Variants in PCDH11X observed in about 807,000 individuals in gnomAD.
PCDH11X encodes protocadherin 11 X-linked, also known as protocadherin-11 X-linked.
Under a neutral mutation model 53.3 loss-of-function variants are expected in PCDH11X, and 18 were observed. That is an observed-to-expected ratio of 0.34 (90% CI 0.23 to 0.50). PCDH11X has a LOEUF of 0.50. Ranked by LOEUF, PCDH11X falls within the 20% of genes least tolerant of loss-of-function variation. The pLI is 0.98. For missense variants in PCDH11X, 570 were observed against 1,032.4 expected (o/e 0.55, Z 6.14); for synonymous variants, 279 against 393.3 (o/e 0.71, Z 3.44).
chrX:92,284,913 G>A (rs1340732617), intron 8 of PCDH11X, among the ~76,000 whole-genome samples: 6 of 111,193 alleles, frequency 5.4e-5, no homozygotes, highest in South Asian at 3.8e-4. Flanking sequence ...GATAAGATAC[G>A]CCAAATTGCT....
intron 6 of PCDH11X, among the ~76,000 whole-genome samples, chrX:91,994,177 A>G (rs2062371990): frequency 1.0e-5 from 1 of 96,929 alleles, no homozygotes; most frequent in Non-Finnish European, 2.1e-5. Flanking sequence ...TGTAAATTAC[A>G]TCACATATTT....
chrX:91,873,447 A>G (rs768642116), intron 5 of PCDH11X, among the ~76,000 whole-genome samples: 9 of 111,602 alleles, frequency 8.1e-5, no homozygotes, highest in Admixed American at 3.8e-4. Flanking sequence ...ACAGAATAGC[A>G]ATGGTGACAT....
At position 92,113,960 on chromosome X, in the gene PCDH11X, G is replaced by A. The variant is rs1398792185; in HGVS notation, c.3034-87415G>A. 103 of 1,204,867 alleles carry A rather than the reference G, an allele frequency of 8.5e-5. No homozygotes were observed. The South Asian group carries it at 1.3e-3, about 15-fold the overall frequency. On this transcript the variant is annotated intron_variant, in intron 6 of 10. Coordinates refer to ENST00000682573, the MANE Select transcript of PCDH11X (RefSeq NM_032968.5). ...ATGTATTTGGGAGATAGGTATCTCC[G>A]GTTAAGCATATCAAACACACAGCTA...
intron 7 of PCDH11X, among the ~76,000 whole-genome samples, chrX:92,250,689 A>G (rs1208579363): frequency 9.2e-6 from 1 of 108,214 alleles, no homozygotes; most frequent in African/African-American, 3.3e-5. Context: ...AATTACTGAA[A>G]CATGCTACAA....
intron 8 of PCDH11X, among the ~76,000 whole-genome samples, chrX:92,354,283 C>T: frequency 9.7e-6 from 1 of 103,305 alleles, no homozygotes; most frequent in East Asian, 3.2e-4. Flanking sequence ...TCCAGTTGCC[C>T]TACAACTGAA....
At chrX:92,060,327 T>A (rs2148061454) in intron 6 of PCDH11X, among the ~76,000 whole-genome samples, 1 of 100,328 alleles carries the variant, frequency 1.0e-5, no homozygotes, top group South Asian at 4.9e-4. Flanking sequence ...GGGGAATTAA[T>A]TTTTTTGCAA....
Position 91,878,134 on chromosome X carries a change from G to A in PCDH11X, c.1894G>A (p.Asp632Asn), listed in dbSNP as rs771550178. ...TGVIRPNISF[D>N]REKQESYTFY... is the part of the protein sequence containing the mutation. The stretch of plus-strand genomic sequence containing the variant: ...TGTCATCCGACCAAATATTTCATTT[G>A]ATAGAGAAAAACAAGAATCTTACAC... Residue 632 changes from aspartate to asparagine, a missense_variant, in exon 6 of 11, where the codon GAT (aspartate) becomes AAT (asparagine). Transcript: ENST00000682573. 1.7e-6 allele frequency: 2 copies of A among 1,200,619 alleles called. No homozygotes were observed. Among genetic ancestry groups the A allele is most frequent in the African/African-American group, 3.6e-5 (2 of 55,331 alleles).
intron 10 of PCDH11X, among the ~76,000 whole-genome samples, chrX:92,473,238 A>G (rs1296144899): frequency 9.3e-6 from 1 of 107,960 alleles, no homozygotes; most frequent in Non-Finnish European, 1.9e-5. Context: ...TTTTCCATTT[A>G]TTGGCATATA....
At chrX:91,987,614 G>T in intron 6 of PCDH11X, among the ~76,000 whole-genome samples, 1 of 110,807 alleles carries the variant, frequency 9.0e-6, no homozygotes, top group Non-Finnish European at 1.9e-5. Context: ...ATTTTACATT[G>T]TATGATGGAA....
chrX:92,093,413 T>C (rs1447377029), intron 6 of PCDH11X, among the ~76,000 whole-genome samples: 1 of 111,719 alleles, frequency 9.0e-6, no homozygotes, highest in African/African-American at 3.2e-5. Flanking sequence ...AATTATGAGA[T>C]AGTTTTATCT....
chrX:91,790,184 T>A (rs987356675), intron 1 of PCDH11X, among the ~76,000 whole-genome samples: 1 of 111,900 alleles, frequency 8.9e-6, no homozygotes, highest in African/African-American at 3.2e-5. Flanking sequence ...AGGTTAAATT[T>A]GATTTTAACC....
chrX:91,803,221 T>G (rs1935994095), intron 1 of PCDH11X, among the ~76,000 whole-genome samples: 1 of 111,566 alleles, frequency 9.0e-6, no homozygotes, highest in Admixed American at 9.6e-5. Context: ...AGATTTATTG[T>G]GTCTGCAATT....
At chrX:91,932,704 G>A (rs1159695047) in intron 6 of PCDH11X, among the ~76,000 whole-genome samples, 5 of 110,339 alleles carry the variant, frequency 4.5e-5, no homozygotes, top group East Asian at 2.9e-4. Flanking sequence ...GTGTGTGCGC[G>A]CGCGCGCGCC....
chrX:92,039,753 G>C (rs892516990), intron 6 of PCDH11X, among the ~76,000 whole-genome samples: 20 of 111,604 alleles, frequency 1.8e-4, no homozygotes, highest in Admixed American at 1.5e-3. Flanking sequence ...AGTTCCCTTT[G>C]CTTTTCCCTC....
At chrX:91,974,944 G>T (rs1294059783) in intron 6 of PCDH11X, among the ~76,000 whole-genome samples, 2 of 110,087 alleles carry the variant, frequency 1.8e-5, no homozygotes, top group Non-Finnish European at 3.8e-5. Context: ...TAGAGATGGG[G>T]TTTCTCCATG....
intron 6 of PCDH11X, among the ~76,000 whole-genome samples, chrX:91,898,045 A>G (rs1170821343): frequency 9.0e-6 from 1 of 110,972 alleles, no homozygotes; most frequent in African/African-American, 3.3e-5. Context: ...GAACCTCAGG[A>G]TCTTCATCTT....
intron 9 of PCDH11X, among the ~76,000 whole-genome samples, chrX:92,426,106 G>A (rs1284669739): frequency 2.0e-5 from 2 of 99,428 alleles, no homozygotes; most frequent in African/African-American, 7.4e-5. Context: ...AATATTTTTC[G>A]GCGAACAAAC....
chrX:92,561,230 A>T (rs1173381858), intron 10 of PCDH11X, among the ~76,000 whole-genome samples: 1 of 108,109 alleles, frequency 9.2e-6, no homozygotes, highest in Non-Finnish European at 1.9e-5. Context: ...CTGACTATTC[A>T]ATGCTCAGAC....
intron 10 of PCDH11X, among the ~76,000 whole-genome samples, chrX:92,490,760 GA>G (rs1569495375): frequency 1.0e-5 from 1 of 98,071 alleles, no homozygotes; most frequent in African/African-American, 3.9e-5. Context: ...AAGAAAGAAA[GA>G]GAAAGAAAGA....
Sources: gnomAD v4.1 joint callset for allele counts (sites outside exome capture counted in the v4.1 genomes callset) on GRCh38, gnomAD v4.1.1 for gene constraint, MANE v1.5 for transcripts, NCBI Gene and HGNC (gene_info 2026-07-23, HGNC 2026-07-21) for gene names.